JPH3: variants seen among roughly 807,000 people sequenced by gnomAD.
The protein encoded by JPH3 is junctophilin-3.
Under a neutral mutation model 59.6 loss-of-function variants are expected in JPH3, and 11 were observed. The ratio of observed to expected loss-of-function variants is 0.18; its 90% confidence interval spans 0.12 to 0.31. JPH3 has a LOEUF of 0.31. JPH3 is among the 10% of genes least tolerant of loss of function. The pLI is 1.00. For missense variants in JPH3, 1,202 were observed against 1,105.7 expected (o/e 1.09, Z -1.24); for synonymous variants, 673 against 483.6 (o/e 1.39, Z -5.14).
intron 1 of JPH3, among the ~76,000 whole-genome samples, chr16:87,627,794 G>A (rs1053970198): frequency 1.6e-4 from 25 of 152,212 alleles, no homozygotes; most frequent in African/African-American, 5.3e-4. Flanking sequence ...ACCCATGCCG[G>A]TGGGCGGGTT....
rs146012571 is a variant in JPH3 at position 87,677,273 on chromosome 16, C to T, written c.1161-6869C>T. Among the ~76,000 whole-genome samples the T allele has an allele frequency of 8.0e-3, 1,209 of 150,524 alleles. 47 individuals carry two copies. The highest frequency in any genetic ancestry group is 0.028 in the African/African-American group (1,141 of 40,518). ...TGGTGGGCGCCTGTAATCCCAGCCA[C>T]GTGGGAGGCTGAGGCAGAAGAATTG... On this transcript the variant is annotated intron_variant, in intron 2 of 4. Transcript: ENST00000284262.
At chr16:87,659,373 T>TCGGAAAAAAAAAAAAAAAAAAAAAAAAAA (rs2032620603) in intron 2 of JPH3, among the ~76,000 whole-genome samples, 1 of 31,936 alleles carries the variant, frequency 3.1e-5, no homozygotes, top group Non-Finnish European at 5.3e-5. Flanking sequence ...TAAGACTGTC[T>TCGGAAAAAAAAAAAAAAAAAAAAAAAAAA]CAAAAAAAAA....
At chr16:87,632,762 G>A (rs1216715441) in intron 1 of JPH3, among the ~76,000 whole-genome samples, 3 of 152,114 alleles carry the variant, frequency 2.0e-5, no homozygotes. Context: ...GCATGGAGGT[G>A]TGCACTTGTA....
intron 1 of JPH3, among the ~76,000 whole-genome samples, chr16:87,639,431 G>A (rs1286391123): frequency 6.6e-6 from 1 of 152,122 alleles, no homozygotes; most frequent in Non-Finnish European, 1.5e-5. Flanking sequence ...AAACGTTGAG[G>A]GAAAAATACA....
intron 2 of JPH3, among the ~76,000 whole-genome samples, chr16:87,660,031 G>A (rs554451710): frequency 6.6e-6 from 1 of 151,396 alleles, no homozygotes; most frequent in Non-Finnish European, 1.5e-5. Context: ...TAGTGTGGAG[G>A]TCGGGGGTAC....
At chr16:87,694,597 C>G (rs2033728930) in intron 4 of JPH3, 1 of 152,416 alleles carries the variant, frequency 6.6e-6, no homozygotes, top group African/African-American at 2.4e-5. Context: ...GCCCATAGCT[C>G]CCATGGTGCG....
At chr16:87,662,858 C>T (rs2032748952) in intron 2 of JPH3, among the ~76,000 whole-genome samples, 1 of 152,232 alleles carries the variant, frequency 6.6e-6, no homozygotes, top group African/African-American at 2.4e-5. Context: ...GCCCTCCCTA[C>T]CTGAAACCTT....
At chr16:87,680,678 T>C (rs12444352) in intron 2 of JPH3, among the ~76,000 whole-genome samples, 19,127 of 152,060 alleles carry the variant, frequency 0.13, 1,452 homozygotes, top group Admixed American at 0.19. Context: ...GTGGGAGCCA[T>C]AGGCGTCAGG....
At chr16:87,607,906 C>T (rs1368176522) in intron 1 of JPH3, among the ~76,000 whole-genome samples, 2 of 152,268 alleles carry the variant, frequency 1.3e-5, no homozygotes, top group East Asian at 3.9e-4. Context: ...CTTCGGGGGG[C>T]GGGTGGTGAA....
At chr16:87,624,899 A>C (rs745594220) in intron 1 of JPH3, among the ~76,000 whole-genome samples, 4 of 152,168 alleles carry the variant, frequency 2.6e-5, no homozygotes, top group Non-Finnish European at 5.9e-5. Flanking sequence ...TCTCGGGTTC[A>C]AGGGATTCTC....
At chr16:87,677,822 C>G (rs1411833510) in intron 2 of JPH3, among the ~76,000 whole-genome samples, 1 of 152,230 alleles carries the variant, frequency 6.6e-6, no homozygotes, top group East Asian at 1.9e-4. Flanking sequence ...CTCCACGAAC[C>G]ACAATCACAG....
intron 1 of JPH3, among the ~76,000 whole-genome samples, chr16:87,642,913 C>A (rs923998981): frequency 1.3e-5 from 2 of 152,166 alleles, no homozygotes; most frequent in African/African-American, 4.8e-5. Context: ...ACAGAATGTA[C>A]CACGTTAGCT....
At chr16:87,666,184 A>C (rs776656739) in intron 2 of JPH3, among the ~76,000 whole-genome samples, 1 of 146,598 alleles carries the variant, frequency 6.8e-6, no homozygotes, top group Non-Finnish European at 1.5e-5. Flanking sequence ...TGCCTCCCTG[A>C]TTTAAGCAGT....
At position 87,639,635 on chromosome 16, in the gene JPH3, GCCTCCCGCCTGT is replaced by G. The variant is rs1216497118; in HGVS notation, c.383-4604_383-4593del. 2.5e-3 allele frequency among the ~76,000 whole-genome samples: 324 copies of G among 127,880 alleles called. 4 individuals are homozygous for G. Among genetic ancestry groups the G allele is most frequent in the Middle Eastern group, 7.9e-3 (2 of 252 alleles). The allele number at this position is 127,880 out of a possible 152,430, so 83.9% of individuals were successfully genotyped here. A position where few individuals can be genotyped will look rare whatever the true frequency, so the allele number is the denominator to read the frequency against. On this transcript the variant is annotated intron_variant, in intron 1 of 4. Transcript: ENST00000284262. ...GTCCTCCCTCCTGGCCTCCCTCCTG[GCCTCCCGCCTGT>G]CCTCCCGCCTGTCCTCCCTCCTGTC...
Position 87,690,111 on chromosome 16 carries a change from G to C in JPH3, c.1751G>C (p.Trp584Ser). The C allele has an allele frequency of 1.9e-6, 3 of 1,579,930 alleles. No homozygotes were observed. Among genetic ancestry groups the C allele is most frequent in the Non-Finnish European group, 2.6e-6 (3 of 1,163,040 alleles). The change falls in exon 4 of 5, where the codon TGG (tryptophan) becomes TCG (serine). Residue 584 changes from tryptophan (W) to serine (S), a missense_variant. Trp to Ser is a radical substitution (Grantham distance 177, BLOSUM62 -3). Transcript: ENST00000284262. ...RRTESPPVFTWTSHHRASNHS... is the reference protein window; with the variant it reads ...RRTESPPVFTSTSHHRASNHS... ...ACGGAGTCACCCCCCGTGTTCACGT[G>C]GACTTCCCACCACCGGGCCAGCAAC...
intron 2 of JPH3, among the ~76,000 whole-genome samples, chr16:87,655,967 G>A (rs1738636703): frequency 6.6e-6 from 1 of 152,270 alleles, no homozygotes; most frequent in South Asian, 2.1e-4. Context: ...CTGCATAGAT[G>A]TCCTGAGTGG....
At chr16:87,691,492 T>C (rs2033572265) in intron 4 of JPH3, among the ~76,000 whole-genome samples, 1 of 152,028 alleles carries the variant, frequency 6.6e-6, no homozygotes. Context: ...GCTCAGGGCG[T>C]GTGGGCCGGG....
intron 4 of JPH3, chr16:87,696,087 T>A (rs1218851583): frequency 2.0e-5 from 9 of 456,938 alleles, no homozygotes; most frequent in South Asian, 1.4e-4. Flanking sequence ...GAGGACACTG[T>A]GCTCACGGAC....
chr16:87,639,366 G>C (rs967226321), intron 1 of JPH3, among the ~76,000 whole-genome samples: 3 of 152,138 alleles, frequency 2.0e-5, no homozygotes, highest in Non-Finnish European at 4.4e-5. Flanking sequence ...GCACCTCATG[G>C]CTCCACCAGA....
Sources: gnomAD v4.1 joint callset for allele counts (sites outside exome capture counted in the v4.1 genomes callset) on GRCh38, gnomAD v4.1.1 for gene constraint, MANE v1.5 for transcripts, NCBI Gene and HGNC (gene_info 2026-07-23, HGNC 2026-07-21) for gene names.